C1orf87: variants seen among roughly 807,000 people sequenced by gnomAD.
C1orf87 encodes chromosome 1 open reading frame 87.
A neutral mutation model predicts 60.5 loss-of-function variants in C1orf87; 58 were observed. The observed-to-expected ratio is 0.96, with a 90% CI of 0.78 to 1.19. The LOEUF is 1.19. Ranked by LOEUF, C1orf87 falls within the 50% of genes most tolerant of loss-of-function variation. C1orf87 has a pLI of 0.00. For synonymous variants in C1orf87, 236 were observed against 227.4 expected, an observed-to-expected ratio of 1.04 and a Z score of -0.34; for missense variants, 673 against 638.6, an observed-to-expected ratio of 1.05 and a Z score of -0.58.
At chr1:60,009,183 T>C (rs1053584757) in intron 9 of C1orf87, among the ~76,000 whole-genome samples, 7 of 152,114 alleles carry the variant, frequency 4.6e-5, no homozygotes, top group Non-Finnish European at 7.4e-5. Context: ...ATGACTGTTG[T>C]CTTTATAAGA....
At chr1:60,000,972 G>T (rs1574293640) in intron 10 of C1orf87, 105 bp downstream of exon 10, 4 of 906,528 alleles carry the variant, frequency 4.4e-6, no homozygotes, top group East Asian at 2.7e-5. Context: ...TCAAGGGTTT[G>T]GGAGAAAATC....
intron 2 of C1orf87, among the ~76,000 whole-genome samples, chr1:60,070,634 A>G (rs1645578176): frequency 6.6e-6 from 1 of 152,222 alleles, no homozygotes; most frequent in South Asian, 2.1e-4. Context: ...CATGAAGTCT[A>G]TAGGAAACAC....
intron 2 of C1orf87, among the ~76,000 whole-genome samples, 153 bp from the exon 3 acceptor site, chr1:60,055,591 A>G (rs751781069): frequency 6.6e-6 from 1 of 152,234 alleles, no homozygotes; most frequent in Non-Finnish European, 1.5e-5. Flanking sequence ...TTGTCTATGC[A>G]TCATTGACCA....
intron 7 of C1orf87, among the ~76,000 whole-genome samples, chr1:60,030,701 C>T (rs751975021): frequency 2.6e-5 from 4 of 152,134 alleles, no homozygotes; most frequent in Admixed American, 6.5e-5. Flanking sequence ...GTTCTACAAC[C>T]CTATTGAATC....
chr1:59,994,754 A>G (rs936610709), intron 11 of C1orf87, among the ~76,000 whole-genome samples: 19 of 152,184 alleles, frequency 1.2e-4, no homozygotes, highest in Non-Finnish European at 2.2e-4. Context: ...CACTGATGTG[A>G]TGATGGATGG....
chr1:60,037,300 C>T (rs535155428), intron 6 of C1orf87, among the ~76,000 whole-genome samples: 28 of 152,280 alleles, frequency 1.8e-4, no homozygotes, highest in Non-Finnish European at 3.5e-4. Context: ...GATTTGGTCA[C>T]GAGGGTGGAG....
rs769735033 is a variant in C1orf87 at position 60,072,561 on chromosome 1, T to G, written c.83A>C (p.Gln28Pro). 9.9e-6 allele frequency: 16 copies of G among 1,612,532 alleles called. 1 individual carries two copies. The highest frequency in any genetic ancestry group is 1.4e-5 in the Non-Finnish European group (16 of 1,179,660). ...MVKIIGSKHF[Q>P]YLVEKPKIKE... ...CATCTTTGGCTTCTCCACGAGGTATTGAAAGTGTTTACTTCCAATGATTTT... is the reference window on the plus strand; with the variant it reads ...CATCTTTGGCTTCTCCACGAGGTATGGAAAGTGTTTACTTCCAATGATTTT... The change falls in exon 2 of 12, where the codon CAA becomes CCA. Residue 28 changes from glutamine (Q) to proline (P), a missense_variant. Transcript: ENST00000371201.
At chr1:60,023,156 T>A (rs1275962767) in intron 8 of C1orf87, among the ~76,000 whole-genome samples, 1 of 152,208 alleles carries the variant, frequency 6.6e-6, no homozygotes, top group Non-Finnish European at 1.5e-5. Context: ...TTGATTACAA[T>A]GAACTTTTGC....
intron 3 of C1orf87, among the ~76,000 whole-genome samples, chr1:60,042,170 T>C (rs1645330063): frequency 6.6e-6 from 1 of 152,230 alleles, no homozygotes; most frequent in East Asian, 1.9e-4. Context: ...TATGGTATCT[T>C]ACCATATCTG....
intron 8 of C1orf87, among the ~76,000 whole-genome samples, chr1:60,022,776 C>CA: frequency 6.6e-6 from 1 of 151,990 alleles, no homozygotes; most frequent in East Asian, 2.0e-4. Context: ...TATTAATAAG[C>CA]AAATAAGCAA....
chr1:60,061,967 T>C (rs1645499861), intron 2 of C1orf87, among the ~76,000 whole-genome samples: 1 of 151,844 alleles, frequency 6.6e-6, no homozygotes, highest in Admixed American at 6.6e-5. Flanking sequence ...AAGCAGTGCC[T>C]ATGTCTTATG....
intron 2 of C1orf87, among the ~76,000 whole-genome samples, chr1:60,064,681 ATATT>A (rs1263394886): frequency 9.4e-6 from 1 of 106,692 alleles, no homozygotes; most frequent in African/African-American, 3.7e-5. Flanking sequence ...ATATAAATAT[ATATT>A]TATATATAAA....
rs182252868 is a variant in C1orf87 at position 60,003,319 on chromosome 1, T to C, written c.1193-2163A>G. 2.0e-4 allele frequency among the ~76,000 whole-genome samples: 20 copies of C among 102,540 alleles called. 1 individual carries two copies. The Admixed American group carries it at 2.8e-3, about 14-fold the overall frequency. 67.3% of individuals were successfully genotyped at this position (102,540 alleles called of 152,430 possible). On this transcript the variant is annotated intron_variant, in intron 9 of 11. Transcript: ENST00000371201. ...GGGAATATCACACTCTGGGGACTTT[T>C]GTGGGGTGGGGGGAGGGGGGAGGGA...
At chr1:60,018,705 C>T (rs917381122) in intron 8 of C1orf87, among the ~76,000 whole-genome samples, 34 of 152,150 alleles carry the variant, frequency 2.2e-4, no homozygotes, top group Non-Finnish European at 4.9e-4. Flanking sequence ...TCGCCTTCAT[C>T]CAACCACCCC....
chr1:60,069,018 T>C (rs1414697288), intron 2 of C1orf87, among the ~76,000 whole-genome samples: 4 of 152,170 alleles, frequency 2.6e-5, no homozygotes, highest in Admixed American at 6.5e-5. Flanking sequence ...TTTAATAGGC[T>C]TTTACCATGT....
intron 7 of C1orf87, among the ~76,000 whole-genome samples, chr1:60,033,158 AAG>A (rs1462615131): frequency 6.6e-5 from 10 of 152,352 alleles, no homozygotes; most frequent in Non-Finnish European, 1.3e-4. Context: ...GAAGCCAGGA[AAG>A]AGTGTGAGAA....
intron 9 of C1orf87, among the ~76,000 whole-genome samples, chr1:60,009,029 G>T (rs1345755632): frequency 6.6e-6 from 1 of 151,970 alleles, no homozygotes. Context: ...TCCCTGTAGT[G>T]GATTGAATTG....
At chr1:60,004,865 C>G (rs1645031454) in intron 9 of C1orf87, among the ~76,000 whole-genome samples, 1 of 151,824 alleles carries the variant, frequency 6.6e-6, no homozygotes, top group South Asian at 2.1e-4. Flanking sequence ...TCCTGTCTGC[C>G]CTCACTAATG....
intron 7 of C1orf87, 49 bp downstream of exon 7, chr1:60,033,427 C>G (rs766164613): frequency 6.4e-7 from 1 of 1,561,882 alleles, no homozygotes; most frequent in Non-Finnish European, 8.8e-7. Flanking sequence ...ACCCAATGCC[C>G]TGAAGTGGCC....
Sources: allele counts gnomAD v4.1 joint callset (sites outside exome capture counted in the v4.1 genomes callset), GRCh38; gene constraint gnomAD v4.1.1; transcripts MANE v1.5; gene names NCBI Gene and HGNC (gene_info 2026-07-23, HGNC 2026-07-21).